MANBA: variants seen among roughly 807,000 people sequenced by gnomAD.
MANBA encodes the protein beta-mannosidase.
MANBA carries 83 observed loss-of-function variants against 111.1 expected under a neutral mutation model. The ratio of observed to expected loss-of-function variants is 0.75; its 90% CI spans 0.63 to 0.90. The LOEUF (loss-of-function observed/expected upper bound fraction) is 0.90, where lower values mean the gene tolerates loss of function less well. MANBA is among the 40% of genes least tolerant of loss of function. The pLI is 0.00. For missense variants in MANBA, 1,036 were observed against 1,069.0 expected (o/e 0.97, Z 0.43); for synonymous variants, 370 against 378.7 (o/e 0.98, Z 0.27).
chr4:102,679,951 C>T (rs1731888529), intron 7 of MANBA, among the ~76,000 whole-genome samples: 1 of 151,846 alleles, frequency 6.6e-6, no homozygotes, highest in Non-Finnish European at 1.5e-5. Context: ...TCCCACTTCT[C>T]AAGTATTTCT....
At chr4:102,751,680 G>A in intron 1 of MANBA, 2 of 542,684 alleles carry the variant, frequency 3.7e-6, no homozygotes, top group South Asian at 2.8e-5. Context: ...ACCCCAGCCA[G>A]AGCAATGCAT....
chr4:102,691,031 A>G (rs1365916559), intron 5 of MANBA: 2 of 155,772 alleles, frequency 1.3e-5, no homozygotes, highest in Non-Finnish European at 2.8e-5. Context: ...GTAAGTCATA[A>G]AAACTTTATG....
intron 12 of MANBA, among the ~76,000 whole-genome samples, chr4:102,655,601 C>A (rs1730524895): frequency 1.3e-5 from 2 of 152,132 alleles, no homozygotes; most frequent in Non-Finnish European, 2.9e-5. Context: ...TATACACATG[C>A]AGAAGAATGA....
At chr4:102,675,810 T>C (rs540723380) in intron 7 of MANBA, among the ~76,000 whole-genome samples, 2 of 152,132 alleles carry the variant, frequency 1.3e-5, no homozygotes, top group East Asian at 3.9e-4. Flanking sequence ...CTATCTCTAC[T>C]AAATACAAAA....
intron 5 of MANBA, among the ~76,000 whole-genome samples, chr4:102,692,107 G>A (rs528256490): frequency 6.6e-6 from 1 of 152,138 alleles, no homozygotes; most frequent in East Asian, 1.9e-4. Context: ...TCATCAAAGA[G>A]CATGACCAGA....
chr4:102,635,219 C>T (rs1196372031), intron 15 of MANBA, among the ~76,000 whole-genome samples, 174 bp from the exon 16 acceptor site: 1 of 152,110 alleles, frequency 6.6e-6, no homozygotes. Context: ...AGTAACTTCT[C>T]AGTCTTCATT....
chr4:102,730,468 C>A (rs145816116), intron 1 of MANBA: 3 of 514,744 alleles, frequency 5.8e-6, no homozygotes, highest in African/African-American at 1.9e-5. Flanking sequence ...AGCTGCACTG[C>A]GGGGGCGGTT....
chr4:102,668,964 T>C lies in MANBA; in HGVS notation c.1316A>G (p.Gln439Arg). 2 of 1,609,012 alleles carry C rather than the reference T, an allele frequency of 1.2e-6. No individual in the cohort carries two copies. The highest frequency in any genetic ancestry group is 1.7e-6 in the Non-Finnish European group (2 of 1,175,590). Residue 439 changes from glutamine to arginine, a missense_variant and splice_region_variant, in exon 10 of 17, where the codon CAG becomes CGG. Physicochemically the swap from Gln to Arg is conservative, Grantham distance 43. Coordinates refer to ENST00000647097, the MANE Select transcript of MANBA (RefSeq NM_005908.4). The part of the protein sequence containing the change: ...LDSVTAEVAY[Q>R]IKRLKSHPSI... ...CTTCTTGGAAGGGTAGTAACATACC[T>C]GGTAGGCAACTTCTGCTGTCACTGA...
chr4:102,752,781 T>G (rs1723859273), intron 1 of MANBA: 1 of 338,432 alleles, frequency 3.0e-6, no homozygotes, highest in Non-Finnish European at 5.7e-6. Context: ...AGCTAACATT[T>G]AACTATCTTT....
rs189172109 is a variant in MANBA, at chr4:102,702,688, C to T, written c.673+11750G>A. On this transcript the variant is annotated intron_variant, in intron 5 of 16. Coordinates refer to ENST00000647097, the MANE Select transcript of MANBA (RefSeq NM_005908.4). ...TACAGAAAAGAAACATAGATATATA[C>T]ATATATATAAGTAAATGAATTCACA... 2.2e-3 allele frequency among the ~76,000 whole-genome samples: 337 copies of T among 152,184 alleles called. 3 individuals are homozygous for T. Among genetic ancestry groups the T allele is most frequent in the Non-Finnish European group, 3.5e-3 (240 of 68,012 alleles).
intron 1 of MANBA, among the ~76,000 whole-genome samples, chr4:102,754,924 T>G (rs1200872787): frequency 6.6e-6 from 1 of 152,144 alleles, no homozygotes; most frequent in African/African-American, 2.4e-5. Context: ...ATGGATGCAC[T>G]GAATTTTTAC....
At chr4:102,649,236 G>A (rs1228390057) in intron 13 of MANBA, among the ~76,000 whole-genome samples, 1 of 152,094 alleles carries the variant, frequency 6.6e-6, no homozygotes, top group African/African-American at 2.4e-5. Flanking sequence ...ATCCATTGGT[G>A]GACATATGAA....
intron 1 of MANBA, chr4:102,752,277 C>A: frequency 7.9e-7 from 1 of 1,260,096 alleles, no homozygotes; most frequent in Non-Finnish European, 1.2e-6. Flanking sequence ...AAATAAAGTG[C>A]TTAATTGTAT....
At chr4:102,739,965 A>G (rs1219435498) in intron 1 of MANBA, among the ~76,000 whole-genome samples, 2 of 152,252 alleles carry the variant, frequency 1.3e-5, no homozygotes. Context: ...AGAGAAAGAA[A>G]TAAAGGGCAT....
At position 102,696,484 on chromosome 4, in the gene MANBA, T is replaced by C. The variant is rs1324172570; in HGVS notation, c.674-5713A>G. 2.0e-5 allele frequency among the ~76,000 whole-genome samples: 3 copies of C among 152,170 alleles called. 1 individual carries two copies. The highest frequency in any genetic ancestry group is 4.1e-4 in the South Asian group (2 of 4,830). On this transcript the variant is annotated intron_variant, in intron 5 of 16. Coordinates refer to ENST00000647097, the MANE Select transcript of MANBA (RefSeq NM_005908.4). ...ATATCCCAATCCAAAAAGGCAAATA[T>C]GTTGTCTCTAACTCTCTGAACATAT...
chr4:102,686,384 A>G (rs975936292), intron 7 of MANBA, among the ~76,000 whole-genome samples: 1 of 152,164 alleles, frequency 6.6e-6, no homozygotes, highest in Non-Finnish European at 1.5e-5. Context: ...CCACTTCAAT[A>G]TATTTACTTA....
At chr4:102,722,210 A>G (rs1659108878) in intron 4 of MANBA, among the ~76,000 whole-genome samples, 1 of 152,066 alleles carries the variant, frequency 6.6e-6, no homozygotes, top group Non-Finnish European at 1.5e-5. Context: ...ACTTAATGTA[A>G]ATATACTTAA....
chr4:102,747,281 A>C (rs1560812824), intron 1 of MANBA, among the ~76,000 whole-genome samples: 1 of 152,144 alleles, frequency 6.6e-6, no homozygotes, highest in Admixed American at 6.5e-5. Flanking sequence ...AAGGTGAAGA[A>C]CTTGGAGTCT....
At chr4:102,741,606 T>C (rs1167206540) in intron 1 of MANBA, among the ~76,000 whole-genome samples, 1 of 152,184 alleles carries the variant, frequency 6.6e-6, no homozygotes, top group Admixed American at 6.5e-5. Flanking sequence ...GGAATACTAC[T>C]CAGCCACAAA....
Sources: allele counts gnomAD v4.1 joint callset (sites outside exome capture counted in the v4.1 genomes callset), GRCh38; gene constraint gnomAD v4.1.1; transcripts MANE v1.5; gene names NCBI Gene and HGNC (gene_info 2026-07-23, HGNC 2026-07-21).